FAM98B: variants seen among roughly 807,000 people sequenced by gnomAD.
The protein encoded by FAM98B is tRNA-splicing ligase complex subunit FAM98B.
FAM98B carries 32 observed loss-of-function variants against 43.9 expected under a neutral mutation model. The ratio of observed to expected loss-of-function variants is 0.73; its 90% CI spans 0.55 to 0.98. The LOEUF (loss-of-function observed/expected upper bound fraction) is 0.98. Ranked by LOEUF, FAM98B falls within the 50% of genes least tolerant of loss-of-function variation. The pLI is 0.00. For missense variants in FAM98B, 514 were observed against 522.9 expected (o/e 0.98, Z 0.17); for synonymous variants, 190 against 174.0 (o/e 1.09, Z -0.72).
intron 2 of FAM98B, 62 bp downstream of exon 2, chr15:38,464,239 T>C (rs1889994518): frequency 2.0e-6 from 3 of 1,466,500 alleles, no homozygotes; most frequent in South Asian, 1.5e-5. Flanking sequence ...TTACGGTTTA[T>C]AGTTTTATCA....
In FAM98B at chr15:38,454,221, G is replaced by A; in HGVS notation, c.60G>A (p.Leu20=). The change falls in exon 1 of 8, where the codon CTG becomes CTA. Residue 20 remains leucine, a synonymous_variant. Coordinates refer to ENST00000397609, the MANE Select transcript of FAM98B (RefSeq NM_173611.4). ...TGGAGGGAGACGTGCTGGACACACT[G>A]GAGGCGCTGGGGTGAGTGCTTTTGG... is the stretch of plus-strand genomic sequence containing the variant. ...PTMEGDVLDT[L]EALGYKGPLL... 3 of 1,602,866 alleles carry A rather than the reference G, an allele frequency of 1.9e-6. No individual in the cohort carries two copies. The highest frequency in any genetic ancestry group is 2.3e-5 in the South Asian group (2 of 88,100).
chr15:38,477,740 T>G (rs1472755009), intron 6 of FAM98B, among the ~76,000 whole-genome samples: 1 of 152,214 alleles, frequency 6.6e-6, no homozygotes, highest in East Asian at 1.9e-4. Context: ...AATCAGCTTC[T>G]TGGGTGGTTA....
At chr15:38,460,625 T>G (rs1317268927) in intron 1 of FAM98B, among the ~76,000 whole-genome samples, 1 of 152,184 alleles carries the variant, frequency 6.6e-6, no homozygotes, top group African/African-American at 2.4e-5. Context: ...AAAAGTGCTT[T>G]CATATTCTTA....
intron 1 of FAM98B, chr15:38,458,876 T>C: frequency 2.2e-6 from 1 of 454,286 alleles, no homozygotes; most frequent in Non-Finnish European, 4.4e-6. Context: ...AGGCACTGCA[T>C]TCTCTGGGTG....
intron 1 of FAM98B, among the ~76,000 whole-genome samples, chr15:38,460,082 ATT>A (rs1432001220): frequency 6.6e-6 from 1 of 152,196 alleles, no homozygotes; most frequent in Non-Finnish European, 1.5e-5. Context: ...TGGACTGAAG[ATT>A]TGGATCACCC....
chr15:38,477,119 G>T (rs1236353621), intron 6 of FAM98B, among the ~76,000 whole-genome samples: 4 of 151,738 alleles, frequency 2.6e-5, no homozygotes, highest in African/African-American at 7.3e-5. Context: ...TCAACATAGC[G>T]AGTCACAGTC....
In FAM98B at chr15:38,484,326, C is replaced by T. The variant is rs1227205695; in HGVS notation, c.969C>T (p.Pro323=). ...TTGAACCACCACCTCCAGAAATGCC[C>T]CCTTGGCAAAAGAGACAAGAAGGCG... The part of the protein sequence containing the change: ...NEIEPPPPEM[P]PWQKRQEGGG... Residue 323 remains proline, a synonymous_variant, in exon 8 of 8, where the codon CCC becomes CCT. Transcript: ENST00000397609. The T allele has an allele frequency of 1.9e-6, 3 of 1,544,356 alleles. No individual in the cohort carries two copies. The highest frequency in any genetic ancestry group is 8.7e-7 in the Non-Finnish European group (1 of 1,145,158).
At chr15:38,459,490 G>A in intron 1 of FAM98B, 2 of 334,858 alleles carry the variant, frequency 6.0e-6, no homozygotes, top group Non-Finnish European at 5.9e-6. Flanking sequence ...TGCTTGGTGA[G>A]CACCAGGGCA....
At chr15:38,467,942 C>T (rs1890063857) in intron 3 of FAM98B, among the ~76,000 whole-genome samples, 1 of 152,180 alleles carries the variant, frequency 6.6e-6, no homozygotes, top group Non-Finnish European at 1.5e-5. Context: ...CAAACGCACA[C>T]AGATGGCTAC....
intron 4 of FAM98B, among the ~76,000 whole-genome samples, chr15:38,472,025 G>A (rs995216338): frequency 5.3e-5 from 8 of 152,150 alleles, no homozygotes; most frequent in African/African-American, 1.7e-4. Context: ...CTGAGGTACT[G>A]AAAGATCTAA....
chr15:38,475,883 A>G (rs1387889857), intron 6 of FAM98B, among the ~76,000 whole-genome samples: 1 of 152,092 alleles, frequency 6.6e-6, no homozygotes, highest in South Asian at 2.1e-4. Flanking sequence ...TTAAAAAACT[A>G]TACTTTAAAA....
chr15:38,465,441 A>C (rs1230323494), intron 3 of FAM98B, 38 bp downstream of exon 3: 2 of 1,512,978 alleles, frequency 1.3e-6, no homozygotes, highest in Admixed American at 4.5e-5. Flanking sequence ...TGTGTTTGAC[A>C]TGGTTTTTAT....
chr15:38,465,272 G>A lies in FAM98B; in HGVS notation c.221G>A (p.Arg74Lys), dbSNP rs1890011478. The change falls in exon 3 of 8, where the codon AGA becomes AAA. Residue 74 changes from arginine to lysine, a missense_variant. Coordinates refer to ENST00000397609, the MANE Select transcript of FAM98B (RefSeq NM_173611.4). ...TTATGATTTTTCTTTTTTAAAGGAA[G>A]AGATGATCTAGAGAGCTTCCAGCTT... ...NLEESITSAG[R>K]DDLESFQLEI... 1 of 1,603,498 alleles carries A rather than the reference G, an allele frequency of 6.2e-7. No individual in the cohort carries two copies. The highest frequency in any genetic ancestry group is 8.5e-7 in the Non-Finnish European group (1 of 1,177,408).
At chr15:38,464,572 T>A (rs970831524) in intron 2 of FAM98B, among the ~76,000 whole-genome samples, 8 of 152,058 alleles carry the variant, frequency 5.3e-5, no homozygotes, top group Non-Finnish European at 1.5e-5. Context: ...TTCTGAAGCT[T>A]GTAGCTCAGG....
At chr15:38,460,843 A>G (rs1338937290) in intron 1 of FAM98B, among the ~76,000 whole-genome samples, 1 of 152,170 alleles carries the variant, frequency 6.6e-6, no homozygotes, top group East Asian at 1.9e-4. Context: ...CTCATCTGTA[A>G]AATGAAGCTA....
chr15:38,458,724 A>T (rs892374547), intron 1 of FAM98B: 4 of 316,832 alleles, frequency 1.3e-5, no homozygotes, highest in South Asian at 6.2e-5. Context: ...CCTTACTGGG[A>T]TGACCACTGC....
chr15:38,465,697 A>G (rs957365794), intron 3 of FAM98B, among the ~76,000 whole-genome samples: 1 of 152,074 alleles, frequency 6.6e-6, no homozygotes, highest in Non-Finnish European at 1.5e-5. Context: ...TCGTGACTAT[A>G]TGGCTAACAT....
At chr15:38,472,575 T>G (rs1890143409) in intron 4 of FAM98B, among the ~76,000 whole-genome samples, 1 of 152,038 alleles carries the variant, frequency 6.6e-6, no homozygotes, top group African/African-American at 2.4e-5. Context: ...TTTAGTATAT[T>G]TACAGAGTTA....
At chr15:38,470,480 A>G (rs1196167155) in intron 4 of FAM98B, 75 bp downstream of exon 4, 3 of 1,284,138 alleles carry the variant, frequency 2.3e-6, no homozygotes, top group African/African-American at 1.5e-5. Flanking sequence ...AAATGAAACT[A>G]TTCCCTATAA....
Sources: gnomAD v4.1 joint callset for allele counts (sites outside exome capture counted in the v4.1 genomes callset) on GRCh38, gnomAD v4.1.1 for gene constraint, MANE v1.5 for transcripts, NCBI Gene and HGNC (gene_info 2026-07-23, HGNC 2026-07-21) for gene names.